The following CFAP91 variants were observed in gnomAD, a reference collection of about 807,000 sequenced individuals.
The protein encoded by CFAP91 is cilia- and flagella-associated protein 91.
A neutral mutation model predicts 95.9 loss-of-function variants in CFAP91; 85 were observed. The ratio of observed to expected loss-of-function variants is 0.89; its 90% confidence interval spans 0.74 to 1.06. The LOEUF (loss-of-function observed/expected upper bound fraction) is 1.06. Ranked by LOEUF, CFAP91 falls within the 50% of genes least tolerant of loss-of-function variation. The pLI, the probability that CFAP91 is intolerant of heterozygous loss-of-function variation, is 0.00. For missense variants in CFAP91, 962 were observed against 943.4 expected, an observed-to-expected ratio of 1.02 and a Z score of -0.26; for synonymous variants, 335 against 327.5, an observed-to-expected ratio of 1.02 and a Z score of -0.25.
chr3:119,737,403 A>G lies in CFAP91; in HGVS notation c.1382A>G (p.Lys461Arg). The change falls in exon 11 of 18, where the codon AAG becomes AGG. Residue 461 changes from lysine to arginine, a missense_variant. Lys to Arg is a conservative substitution (Grantham distance 26, BLOSUM62 2). Transcript: ENST00000273390. Reference protein sequence around the residue: ...LDKKNKVLEVKKPPRFLQRNP... With the variant: ...LDKKNKVLEVRKPPRFLQRNP... ...AAGAAGAATAAAGTTCTTGAAGTAA[A>G]GAAACCCCCTCGCTTCCTTCAAAGA... The G allele has an allele frequency of 1.9e-6, 3 of 1,610,354 alleles. No homozygotes were observed. The highest frequency in any genetic ancestry group is 1.7e-4 in the Middle Eastern group (1 of 6,050).
In CFAP91 at chr3:119,730,410, G is replaced by A; in HGVS notation, c.1018+33G>A. The A allele has an allele frequency of 6.3e-7, 1 of 1,592,552 alleles. No individual in the cohort carries two copies. On this transcript the variant is annotated intron_variant, in intron 8 of 17. Coordinates refer to ENST00000273390, the MANE Select transcript of CFAP91 (RefSeq NM_033364.4). ...TGTAGTATGAACAATGAAGACGGTG[G>A]AAAAGTGGGCTTTGCTTTGGATCTT... is the stretch of plus-strand genomic sequence containing the variant.
chr3:119,703,406 T>TG (rs2053296763), intron 1 of CFAP91, 184 bp downstream of exon 1: 5 of 864,726 alleles, frequency 5.8e-6, no homozygotes, highest in Non-Finnish European at 8.6e-6. Flanking sequence ...GCACTCAGGT[T>TG]GGGGTCGGGG....
At chr3:119,711,715 G>T (rs546560998) in intron 5 of CFAP91, among the ~76,000 whole-genome samples, 1 of 152,324 alleles carries the variant, frequency 6.6e-6, no homozygotes, top group Non-Finnish European at 1.5e-5. Flanking sequence ...GTGTTATCAG[G>T]GATGGAATTG....
At position 119,707,422 on chromosome 3, in the gene CFAP91, A is replaced by G; in HGVS notation, c.220A>G (p.Lys74Glu). The change falls in exon 3 of 18, where the codon AAA (lysine) becomes GAA (glutamate). Residue 74 changes from lysine to glutamate, a missense_variant. By Grantham distance (56) the Lys-to-Glu change is moderately conservative. Transcript: ENST00000273390. ...RSRLRKVPRFKTMFSNLIHYP... is the reference protein window; with the variant it reads ...RSRLRKVPRFETMFSNLIHYP... ...ACATTAGAGAAAAGTTCCCAGGTTT[A>G]AAACCATGTTCAGTAACCTGATCCA... 6.4e-7 allele frequency: 1 copy of G among 1,565,224 alleles called. No homozygotes were observed. Among genetic ancestry groups the G allele is most frequent in the Non-Finnish European group, 8.7e-7 (1 of 1,147,890 alleles).
At chr3:119,745,516 G>A (rs1328030055) in intron 14 of CFAP91, among the ~76,000 whole-genome samples, 2 of 152,206 alleles carry the variant, frequency 1.3e-5, no homozygotes, top group Middle Eastern at 3.4e-3. Flanking sequence ...ACGCACAAAC[G>A]TCTCCAGAAA....
chr3:119,745,172 C>G (rs192865901), intron 14 of CFAP91, among the ~76,000 whole-genome samples: 23 of 152,262 alleles, frequency 1.5e-4, no homozygotes, highest in Admixed American at 1.5e-3. Context: ...CCCACAGATT[C>G]AAATATCATC....
At chr3:119,729,015 T>G (rs565724863) in intron 7 of CFAP91, among the ~76,000 whole-genome samples, 2 of 152,272 alleles carry the variant, frequency 1.3e-5, no homozygotes, top group Admixed American at 1.3e-4. Context: ...TAATAAATAT[T>G]TGACAAATGA....
Position 119,730,376 on chromosome 3 carries a change from A to C in CFAP91, c.1017A>C (p.Ser339=). The change falls in exon 8 of 18, where the codon TCA becomes TCC. Residue 339 remains serine (S), a splice_region_variant and synonymous_variant. Coordinates refer to ENST00000273390, the MANE Select transcript of CFAP91 (RefSeq NM_033364.4). ...KMAKIQRTHV[S]TIRKLVGKRK... Reference sequence around the variant, plus strand: ...CAAAAATTCAGCGCACGCATGTATCAAGTAATGGTGTAGTATGAACAATGA... The same window carrying C: ...CAAAAATTCAGCGCACGCATGTATCCAGTAATGGTGTAGTATGAACAATGA... The C allele has an allele frequency of 6.2e-7, 1 of 1,613,792 alleles. No homozygotes were observed. The highest frequency in any genetic ancestry group is 1.1e-5 in the South Asian group (1 of 91,016).
intron 17 of CFAP91, among the ~76,000 whole-genome samples, chr3:119,754,386 A>G (rs1256997811): frequency 6.6e-6 from 1 of 152,212 alleles, no homozygotes; most frequent in Non-Finnish European, 1.5e-5. Context: ...GAAGAAGGAA[A>G]TGTTAAGCAA....
At chr3:119,719,750 A>G (rs576685223) in intron 6 of CFAP91, among the ~76,000 whole-genome samples, 2 of 152,350 alleles carry the variant, frequency 1.3e-5, no homozygotes, top group Non-Finnish European at 2.9e-5. Context: ...CAGAGTAACT[A>G]CAGAATAAAC....
At chr3:119,740,168 C>A (rs538528385) in intron 12 of CFAP91, among the ~76,000 whole-genome samples, 89 of 152,284 alleles carry the variant, frequency 5.8e-4, no homozygotes, top group African/African-American at 2.0e-3. Context: ...TTATTACAAA[C>A]CAGGGACAGA....
At chr3:119,717,837 A>G (rs1299074407) in intron 6 of CFAP91, among the ~76,000 whole-genome samples, 2 of 152,116 alleles carry the variant, frequency 1.3e-5, no homozygotes, top group African/African-American at 2.4e-5. Flanking sequence ...AGCAGCATAT[A>G]GTATGCTCTC....
chr3:119,708,139 G>A (rs930151095), intron 3 of CFAP91, among the ~76,000 whole-genome samples: 2 of 152,014 alleles, frequency 1.3e-5, no homozygotes, highest in South Asian at 2.1e-4. Flanking sequence ...AAGTTAGCCG[G>A]GTGTGGTGGC....
rs576897003 is a variant in CFAP91, at chr3:119,706,780, G to A, written c.125-29G>A. 2.6e-6 allele frequency: 4 copies of A among 1,545,274 alleles called. No homozygotes were observed. The African/African-American group carries it at 4.1e-5, about 16-fold the overall frequency. On this transcript the variant is annotated intron_variant, in intron 1 of 17. Transcript: ENST00000273390. ...GCCTAGGGGTAGATATGTTCTATCT[G>A]TTATGCTACTTGATTGTTTATTTTG... is the stretch of plus-strand genomic sequence containing the variant.
intron 3 of CFAP91, among the ~76,000 whole-genome samples, chr3:119,708,106 C>A (rs1411541217): frequency 6.6e-6 from 1 of 151,694 alleles, no homozygotes; most frequent in East Asian, 1.9e-4. Context: ...ACGGTGAAAC[C>A]CCGTCTCTAC....
chr3:119,730,060 C>T (rs1306991532), intron 7 of CFAP91, among the ~76,000 whole-genome samples, 160 bp from the exon 8 acceptor site: 3 of 152,164 alleles, frequency 2.0e-5, no homozygotes, highest in African/African-American at 4.8e-5. Flanking sequence ...TTGCCTCCCC[C>T]ACGCCCTCAA....
At chr3:119,750,839 A>T in intron 16 of CFAP91, 98 bp from the exon 17 acceptor site, 1 of 1,440,756 alleles carries the variant, frequency 6.9e-7, no homozygotes, top group Non-Finnish European at 9.7e-7. Context: ...TTTTACCTTT[A>T]ATTTGCAAAA....
intron 17 of CFAP91, among the ~76,000 whole-genome samples, chr3:119,756,953 GA>G (rs2054442498): frequency 6.6e-6 from 1 of 152,120 alleles, no homozygotes; most frequent in Non-Finnish European, 1.5e-5. Flanking sequence ...AGTAAAGTCA[GA>G]ATTTACCAGA....
chr3:119,741,751 A>G (rs1223626007), intron 13 of CFAP91, among the ~76,000 whole-genome samples: 1 of 152,230 alleles, frequency 6.6e-6, no homozygotes, highest in Non-Finnish European at 1.5e-5. Context: ...CTTTAGCAAC[A>G]TACATAACTC....
Sources: gnomAD v4.1 joint callset for allele counts (sites outside exome capture counted in the v4.1 genomes callset) on GRCh38, gnomAD v4.1.1 for gene constraint, MANE v1.5 for transcripts, NCBI Gene and HGNC (gene_info 2026-07-23, HGNC 2026-07-21) for gene names.